The following ALPK1 variants were observed in gnomAD, a reference collection of about 807,000 sequenced individuals.
ALPK1 encodes the protein alpha-protein kinase 1.
A neutral mutation model predicts 120.6 loss-of-function variants in ALPK1; 110 were observed. That is an observed-to-expected ratio of 0.91 (90% CI 0.78 to 1.07). ALPK1 has a LOEUF of 1.07. Ranked by LOEUF, ALPK1 falls within the 50% of genes least tolerant of loss-of-function variation. The pLI, the probability that ALPK1 is intolerant of heterozygous loss-of-function variation, is 0.00. For synonymous variants in ALPK1, 582 were observed against 560.3 expected (o/e 1.04, Z -0.55); for missense variants, 1,498 against 1,483.9 (o/e 1.01, Z -0.16).
rs927057371 is a variant in ALPK1 at position 112,435,225 on chromosome 4, T to C, written c.3112T>C (p.Leu1038=). The change falls in exon 12 of 16, where the codon TTG becomes CTG. Residue 1038 remains leucine (L), a synonymous_variant. Transcript: ENST00000650871. ...QETIVYLGDY[L]TVKKKGRQRN... ...AACTATTGTCTATTTGGGGGACTAC[T>C]TGACTGTGAAGAAAAAAGGCAGACA... The C allele has an allele frequency of 1.9e-6, 3 of 1,613,864 alleles. No homozygotes were observed. Among genetic ancestry groups the C allele is most frequent in the Non-Finnish European group, 1.7e-6 (2 of 1,179,910 alleles).
chr4:112,420,594 T>A (rs1733947581), intron 5 of ALPK1, among the ~76,000 whole-genome samples: 1 of 152,144 alleles, frequency 6.6e-6, no homozygotes, highest in African/African-American at 2.4e-5. Context: ...GAAAAGATAA[T>A]TTCAATAGGC....
chr4:112,353,310 G>A (rs996461156), intron 2 of ALPK1, among the ~76,000 whole-genome samples: 11 of 152,058 alleles, frequency 7.2e-5, no homozygotes, highest in Non-Finnish European at 1.5e-4. Context: ...CCCCATGAAG[G>A]ACATATGGTT....
chr4:112,343,892 A>G (rs966730661), intron 2 of ALPK1, among the ~76,000 whole-genome samples: 4 of 152,188 alleles, frequency 2.6e-5, no homozygotes, highest in African/African-American at 9.6e-5. Context: ...CAAGGCCTTC[A>G]TTTAATTCTT....
chr4:112,374,899 T>C (rs1408942684), intron 2 of ALPK1, among the ~76,000 whole-genome samples: 1 of 152,252 alleles, frequency 6.6e-6, no homozygotes, highest in Non-Finnish European at 1.5e-5. Context: ...CCAGGCTTAG[T>C]TGTGCCACTT....
rs560838118 is a variant in ALPK1, at chr4:112,321,609, A to G, written c.-101+5757A>G. On this transcript the variant is annotated intron_variant, in intron 2 of 15. Transcript: ENST00000650871. ...CCTTGATTTTATTGTTGACCCAACA[A>G]TCATTCAGGAGCAGGTTATTTAATT... is the stretch of plus-strand genomic sequence containing the variant. 2.0e-5 allele frequency among the ~76,000 whole-genome samples: 3 copies of G among 152,350 alleles called. No individual in the cohort carries two copies. In the South Asian group the frequency reaches 6.2e-4, roughly 32 times the overall value.
chr4:112,422,174 G>A (rs149894777), intron 5 of ALPK1, among the ~76,000 whole-genome samples: 3 of 152,122 alleles, frequency 2.0e-5, no homozygotes, highest in Non-Finnish European at 4.4e-5. Flanking sequence ...TACTCAGAAC[G>A]GCACGCAATT....
intron 5 of ALPK1, among the ~76,000 whole-genome samples, chr4:112,418,152 C>G (rs1016122953): frequency 6.6e-6 from 1 of 152,194 alleles, no homozygotes; most frequent in Admixed American, 6.5e-5. Context: ...GCCCTCATAC[C>G]TACGCACACC....
intron 1 of ALPK1, among the ~76,000 whole-genome samples, chr4:112,301,179 T>C (rs1047925882): frequency 2.0e-5 from 3 of 152,168 alleles, no homozygotes; most frequent in Non-Finnish European, 4.4e-5. Context: ...TACCGAGAAA[T>C]TTTCTTCCCT....
intron 1 of ALPK1, among the ~76,000 whole-genome samples, chr4:112,302,098 T>C (rs560704023): frequency 6.6e-6 from 1 of 152,230 alleles, no homozygotes; most frequent in Non-Finnish European, 1.5e-5. Context: ...AAAACAGCCC[T>C]CTTTCTTCAT....
chr4:112,431,555 C>A lies in ALPK1; in HGVS notation c.2008C>A (p.Pro670Thr), dbSNP rs747872665. ...PSQNQPQQQM[P>T]LTPFSPHNTP... The stretch of plus-strand genomic sequence containing the variant: ...TCAAAATCAGCCACAGCAACAGATG[C>A]CCTTGACACCCTTCTCGCCTCATAA... The change falls in exon 11 of 16, where the codon CCC becomes ACC. Residue 670 changes from proline to threonine, a missense_variant. By Grantham distance (38) the Pro-to-Thr change is conservative. Transcript: ENST00000650871. 6.2e-7 allele frequency: 1 copy of A among 1,614,200 alleles called. No homozygotes were observed. Among genetic ancestry groups the A allele is most frequent in the South Asian group, 1.1e-5 (1 of 91,086 alleles).
At chr4:112,309,406 C>T (rs1227623882) in intron 1 of ALPK1, among the ~76,000 whole-genome samples, 2 of 152,190 alleles carry the variant, frequency 1.3e-5, no homozygotes, top group African/African-American at 2.4e-5. Flanking sequence ...CCAATTTGAG[C>T]TTCCAGGCTG....
intron 4 of ALPK1, among the ~76,000 whole-genome samples, chr4:112,408,115 CA>C (rs11320970): frequency 0.4 from 58,186 of 144,898 alleles, 11,403 homozygotes; most frequent in South Asian, 0.43. Context: ...TCAAAAAAGA[CA>C]AAAAAAAAAA....
chr4:112,414,096 A>G (rs1048760899), intron 5 of ALPK1, among the ~76,000 whole-genome samples: 63 of 152,294 alleles, frequency 4.1e-4, no homozygotes, highest in African/African-American at 1.5e-3. Context: ...ACAGAAGAAG[A>G]TTTGCTGAAA....
In ALPK1 at chr4:112,431,580, A is replaced by G. The variant is rs1337867558; in HGVS notation, c.2033A>G (p.Asn678Ser). 2.5e-6 allele frequency: 4 copies of G among 1,614,184 alleles called. No homozygotes were observed. Among genetic ancestry groups the G allele is most frequent in the Middle Eastern group, 1.6e-4 (1 of 6,062 alleles). ...QMPLTPFSPH[N>S]TPGIFLAPGA... ...CCCTTGACACCCTTCTCGCCTCATA[A>G]TACCCCAGGCATTTTCTTGGCCCCT... Residue 678 changes from asparagine to serine, a missense_variant, in exon 11 of 16, where the codon AAT (asparagine) becomes AGT (serine). Coordinates refer to ENST00000650871, the MANE Select transcript of ALPK1 (RefSeq NM_025144.4).
rs1354535724 is a variant in ALPK1 at position 112,411,873 on chromosome 4, C to G, written c.323C>G (p.Ala108Gly). The change falls in exon 5 of 16, where the codon GCG becomes GGG. Residue 108 changes from alanine to glycine, a missense_variant. Coordinates refer to ENST00000650871, the MANE Select transcript of ALPK1 (RefSeq NM_025144.4). ...SILARDCAAA[A>G]AIVFLVDRFL... The stretch of plus-strand genomic sequence containing the variant: ...CTCGCTCGGGACTGTGCGGCTGCGG[C>G]GGCTATTGTGTTCTTGGTGGACCGG... 1.2e-6 allele frequency: 2 copies of G among 1,613,798 alleles called. No homozygotes were observed. Among genetic ancestry groups the G allele is most frequent in the Admixed American group, 1.7e-5 (1 of 60,000 alleles).
At chr4:112,440,837 G>GTGTA in intron 14 of ALPK1, 80 bp from the exon 15 acceptor site, 1 of 1,523,372 alleles carries the variant, frequency 6.6e-7, no homozygotes, top group Non-Finnish European at 8.8e-7. Flanking sequence ...GTGTGTGTGT[G>GTGTA]TGTGTGTATG....
At chr4:112,400,639 G>T (rs1368628228) in intron 4 of ALPK1, among the ~76,000 whole-genome samples, 1 of 152,136 alleles carries the variant, frequency 6.6e-6, no homozygotes, top group Non-Finnish European at 1.5e-5. Flanking sequence ...TTTGGAATTT[G>T]GGATGCCAGT....
intron 2 of ALPK1, among the ~76,000 whole-genome samples, chr4:112,322,564 T>C (rs73843080): frequency 1.7e-3 from 256 of 152,326 alleles, no homozygotes; most frequent in African/African-American, 5.8e-3. Context: ...ACTGAGGTTA[T>C]AGAAGGGAAC....
chr4:112,382,616 G>A, intron 4 of ALPK1, 64 bp downstream of exon 4: 7 of 1,609,452 alleles, frequency 4.3e-6, no homozygotes, highest in Non-Finnish European at 6.0e-6. Flanking sequence ...ACTCTAAGTG[G>A]TCTAATAGAT....
Sources: allele counts gnomAD v4.1 joint callset (sites outside exome capture counted in the v4.1 genomes callset), GRCh38; gene constraint gnomAD v4.1.1; transcripts MANE v1.5; gene names NCBI Gene and HGNC (gene_info 2026-07-23, HGNC 2026-07-21).